RUNDC3B: variants seen among roughly 807,000 people sequenced by gnomAD.
RUNDC3B encodes the protein RUN domain containing 3B.
Under a neutral mutation model 58.4 loss-of-function variants are expected in RUNDC3B, and 33 were observed. The observed-to-expected ratio is 0.56, with a 90% CI of 0.43 to 0.75. The LOEUF is 0.75. Among genes scored for constraint, RUNDC3B ranks in the 30% least tolerant of loss-of-function variants. The pLI is 0.00. For missense variants in RUNDC3B, 501 were observed against 535.7 expected (o/e 0.94, Z 0.64); for synonymous variants, 193 against 195.2 (o/e 0.99, Z 0.10).
intron 10 of RUNDC3B, among the ~76,000 whole-genome samples, chr7:87,817,860 CTTA>C (rs1383888548): frequency 6.6e-6 from 1 of 152,078 alleles, no homozygotes; most frequent in African/African-American, 2.4e-5. Flanking sequence ...AAATAGGCAA[CTTA>C]TTAAACATTT....
chr7:87,794,706 TGAAA>T (rs1490733724), intron 8 of RUNDC3B, among the ~76,000 whole-genome samples: 2 of 149,698 alleles, frequency 1.3e-5, no homozygotes, highest in Non-Finnish European at 3.0e-5. Flanking sequence ...AAAAGAACAC[TGAAA>T]GAATCACATT....
intron 4 of RUNDC3B, among the ~76,000 whole-genome samples, chr7:87,737,337 T>C (rs1405981978): frequency 6.6e-6 from 1 of 152,148 alleles, no homozygotes; most frequent in Admixed American, 6.5e-5. Context: ...ATAAGCAAAG[T>C]TTAATGTTCC....
chr7:87,816,483 A>G (rs1837044326), intron 10 of RUNDC3B, among the ~76,000 whole-genome samples: 1 of 151,874 alleles, frequency 6.6e-6, no homozygotes, highest in South Asian at 2.1e-4. Flanking sequence ...TCATTTACTC[A>G]CTTCCTGTAC....
chr7:87,632,950 A>G (rs1483318940), intron 1 of RUNDC3B, among the ~76,000 whole-genome samples: 1 of 152,218 alleles, frequency 6.6e-6, no homozygotes, highest in East Asian at 1.9e-4. Flanking sequence ...AGGAGGGACT[A>G]ATAAGAGGAA....
At chr7:87,742,147 A>G (rs1025486277) in intron 6 of RUNDC3B, among the ~76,000 whole-genome samples, 7 of 152,138 alleles carry the variant, frequency 4.6e-5, no homozygotes, top group Admixed American at 1.3e-4. Flanking sequence ...AATGACATCT[A>G]TGTATGTTTC....
intron 8 of RUNDC3B, 123 bp downstream of exon 8, chr7:87,778,078 A>C (rs925426257): frequency 2.6e-6 from 2 of 760,710 alleles, no homozygotes; most frequent in Non-Finnish European, 4.1e-6. Flanking sequence ...TTTCACCTAC[A>C]CTTTTTTGAA....
chr7:87,756,454 C>A (rs1426729065), intron 6 of RUNDC3B, among the ~76,000 whole-genome samples: 1 of 151,852 alleles, frequency 6.6e-6, no homozygotes, highest in Non-Finnish European at 1.5e-5. Context: ...AATATTTTTT[C>A]ATGTCCAATA....
intron 1 of RUNDC3B, among the ~76,000 whole-genome samples, chr7:87,637,092 A>G (rs374240210): frequency 3.9e-5 from 6 of 152,176 alleles, no homozygotes; most frequent in East Asian, 1.9e-4. Flanking sequence ...CCATGATTCA[A>G]TTACCTCCCA....
chr7:87,636,755 C>G (rs775275574), intron 1 of RUNDC3B, among the ~76,000 whole-genome samples: 28 of 152,056 alleles, frequency 1.8e-4, no homozygotes, highest in Non-Finnish European at 3.5e-4. Flanking sequence ...AAATATTTCC[C>G]TTAAGGAAAA....
intron 7 of RUNDC3B, among the ~76,000 whole-genome samples, chr7:87,775,192 C>T (rs2130878371): frequency 6.6e-6 from 1 of 152,254 alleles, no homozygotes; most frequent in South Asian, 2.1e-4. Context: ...TCCTTGCAGT[C>T]AGACAAGAGG....
intron 10 of RUNDC3B, among the ~76,000 whole-genome samples, chr7:87,817,147 A>G (rs959020789): frequency 4.6e-5 from 7 of 152,190 alleles, no homozygotes; most frequent in Admixed American, 3.9e-4. Context: ...AAATATTGGC[A>G]CTATAGCCAT....
chr7:87,659,610 G>A (rs1045699071), intron 2 of RUNDC3B, among the ~76,000 whole-genome samples: 7 of 152,098 alleles, frequency 4.6e-5, no homozygotes, highest in Admixed American at 3.3e-4. Flanking sequence ...AAGAGGAGAA[G>A]GATAAAGCAA....
Position 87,657,335 on chromosome 7 carries a change from A to G in RUNDC3B, c.238+6398A>G, listed in dbSNP as rs548276582. Among the ~76,000 whole-genome samples the G allele has an allele frequency of 2.6e-5, 4 of 152,300 alleles. No homozygotes were observed. The East Asian group carries it at 7.7e-4, about 29-fold the overall frequency. On this transcript the variant is annotated intron_variant, in intron 2 of 10. Coordinates refer to ENST00000394654, the MANE Select transcript of RUNDC3B (RefSeq NM_001134405.2). Reference sequence around the variant, plus strand: ...CACAAGATACTATTCTCTCTAGCCAAAGGACCAGAGAAAGAACAGCCTAGC... The same window carrying G: ...CACAAGATACTATTCTCTCTAGCCAGAGGACCAGAGAAAGAACAGCCTAGC...
intron 4 of RUNDC3B, among the ~76,000 whole-genome samples, chr7:87,715,444 AAT>A (rs1207052375): frequency 7.7e-6 from 1 of 130,536 alleles, no homozygotes; most frequent in Admixed American, 9.1e-5. Flanking sequence ...ATATTAATAT[AAT>A]ATATAATTAT....
At chr7:87,736,375 A>C (rs1348336185) in intron 4 of RUNDC3B, among the ~76,000 whole-genome samples, 1 of 152,140 alleles carries the variant, frequency 6.6e-6, no homozygotes, top group Non-Finnish European at 1.5e-5. Flanking sequence ...GAACTACTTA[A>C]AATTCCTTAA....
At chr7:87,736,094 G>T (rs992081360) in intron 4 of RUNDC3B, among the ~76,000 whole-genome samples, 9 of 152,026 alleles carry the variant, frequency 5.9e-5, no homozygotes, top group African/African-American at 2.2e-4. Context: ...ATAATGCAGG[G>T]ATCTGTTTTA....
chr7:87,664,147 T>A (rs1332680971), intron 2 of RUNDC3B, among the ~76,000 whole-genome samples: 2 of 152,062 alleles, frequency 1.3e-5, no homozygotes, highest in Non-Finnish European at 2.9e-5. Context: ...CATTCACTTT[T>A]AAAATAATAT....
intron 6 of RUNDC3B, among the ~76,000 whole-genome samples, chr7:87,769,679 A>G (rs1834166212): frequency 6.6e-6 from 1 of 151,842 alleles, no homozygotes; most frequent in Non-Finnish European, 1.5e-5. Flanking sequence ...ATACATGTGC[A>G]GAACGTGCAG....
Position 87,777,871 on chromosome 7 carries a change from T to G in RUNDC3B, c.872T>G (p.Leu291Arg). ...SESVSQNKIL[L>R]QRIEDSDLAH... The stretch of plus-strand genomic sequence containing the variant: ...TCTGTCTCCCAGAATAAAATACTAC[T>G]TCAAAGGATTGAAGATTCCGATCTG... Residue 291 changes from leucine (L) to arginine (R), a missense_variant, in exon 8 of 11, where the codon CTT (leucine) becomes CGT (arginine). Coordinates refer to ENST00000394654, the MANE Select transcript of RUNDC3B (RefSeq NM_001134405.2). 6 of 1,613,404 alleles carry G rather than the reference T, an allele frequency of 3.7e-6. No homozygotes were observed. Among genetic ancestry groups the G allele is most frequent in the Non-Finnish European group, 5.1e-6 (6 of 1,179,460 alleles).
Sources: allele counts gnomAD v4.1 joint callset (sites outside exome capture counted in the v4.1 genomes callset), GRCh38; gene constraint gnomAD v4.1.1; transcripts MANE v1.5; gene names NCBI Gene and HGNC (gene_info 2026-07-23, HGNC 2026-07-21).